Variants in SRGAP3 observed in about 807,000 individuals in gnomAD.
SRGAP3 encodes the protein SLIT-ROBO Rho GTPase-activating protein 3.
Under a neutral mutation model 121.1 loss-of-function variants are expected in SRGAP3, and 39 were observed. The ratio of observed to expected loss-of-function variants is 0.32; its 90% CI spans 0.25 to 0.42. The LOEUF (loss-of-function observed/expected upper bound fraction) is 0.42. Ranked by LOEUF, SRGAP3 falls within the 10% of genes least tolerant of loss-of-function variation. SRGAP3 has a pLI of 1.00. For synonymous variants in SRGAP3, 601 were observed against 570.0 expected (o/e 1.05, Z -0.77); for missense variants, 1,213 against 1,470.6 (o/e 0.82, Z 2.86).
intron 18 of SRGAP3, among the ~76,000 whole-genome samples, chr3:9,003,701 T>C (rs558420631): frequency 6.6e-6 from 1 of 152,246 alleles, no homozygotes; most frequent in Non-Finnish European, 1.5e-5. Flanking sequence ...AAATCTAATA[T>C]CCTTTCAAGA....
At chr3:9,189,284 T>G (rs552484921) in intron 1 of SRGAP3, among the ~76,000 whole-genome samples, 1 of 152,366 alleles carries the variant, frequency 6.6e-6, no homozygotes, top group South Asian at 2.1e-4. Context: ...TTGAATATTA[T>G]GCAGAGAGAA....
chr3:9,039,655 C>A (rs1162326), intron 10 of SRGAP3, among the ~76,000 whole-genome samples: 77,554 of 152,024 alleles, frequency 0.51, 19,831 homozygotes, highest in South Asian at 0.66. Flanking sequence ...TTCCTGCCTC[C>A]GGCCCCTGGC....
chr3:9,056,038 C>T (rs1179092554), intron 8 of SRGAP3, among the ~76,000 whole-genome samples, 195 bp downstream of exon 8: 2 of 152,068 alleles, frequency 1.3e-5, no homozygotes, highest in Non-Finnish European at 2.9e-5. Flanking sequence ...TTTTGTTTTT[C>T]TTCAATTTAA....
chr3:9,182,390 C>G (rs147691631), intron 1 of SRGAP3, among the ~76,000 whole-genome samples: 220 of 152,022 alleles, frequency 1.4e-3, no homozygotes, highest in African/African-American at 5.0e-3. Context: ...GGAAGATACA[C>G]AGTGGGGACA....
chr3:8,990,617 G>A lies in SRGAP3; in HGVS notation c.2781C>T (p.Asp927=), dbSNP rs1186159752. The A allele has an allele frequency of 1.2e-6, 2 of 1,613,024 alleles. No individual in the cohort carries two copies. The highest frequency in any genetic ancestry group is 1.7e-6 in the Non-Finnish European group (2 of 1,179,696). Residue 927 remains aspartate (D), a synonymous_variant, in exon 21 of 22, where the codon GAC becomes GAT. Coordinates refer to ENST00000383836, the MANE Select transcript of SRGAP3 (RefSeq NM_014850.4). ...FGSAGSINYP[D]KKALSEGHSM... ...AGTGCCCTTCGGAGAGCGCCTTCTT[G>A]TCAGGGTAGTTGATGCTGCCAGCGC...
intron 5 of SRGAP3, among the ~76,000 whole-genome samples, chr3:9,063,734 G>A (rs974941581): frequency 6.6e-6 from 1 of 152,152 alleles, no homozygotes; most frequent in Non-Finnish European, 1.5e-5. Context: ...GAGATGAGAC[G>A]AATTTGCCAC....
chr3:9,059,828 C>T, intron 6 of SRGAP3: 1 of 306,216 alleles, frequency 3.3e-6, no homozygotes, highest in Non-Finnish European at 6.4e-6. Context: ...GCTGAGTGGC[C>T]CTAGGGGCGC....
Position 9,142,558 on chromosome 3 carries a change from A to G in SRGAP3, c.68-17641T>C, listed in dbSNP as rs79372161. On this transcript the variant is annotated intron_variant, in intron 1 of 21. Transcript: ENST00000383836. ...ATTTCATGTCTTGGGTCCTGTTACC[A>G]AAGAGGAAAAACACCTCATGTTTAT... 8.5e-5 allele frequency among the ~76,000 whole-genome samples: 13 copies of G among 152,322 alleles called. No individual in the cohort carries two copies. The East Asian group carries it at 2.3e-3, about 27-fold the overall frequency.
intron 1 of SRGAP3, among the ~76,000 whole-genome samples, chr3:9,160,483 G>C (rs1950570245): frequency 6.6e-6 from 1 of 152,198 alleles, no homozygotes; most frequent in Admixed American, 6.5e-5. Context: ...CAGGCCTCCA[G>C]CCAACAGCCA....
chr3:9,103,100 C>A (rs1032466399), intron 3 of SRGAP3, among the ~76,000 whole-genome samples: 4 of 152,170 alleles, frequency 2.6e-5, no homozygotes, highest in African/African-American at 9.7e-5. Flanking sequence ...TAAACACAAC[C>A]CCAGAAGGAG....
intron 3 of SRGAP3, among the ~76,000 whole-genome samples, chr3:9,097,836 G>A (rs974200281): frequency 3.9e-5 from 6 of 152,108 alleles, no homozygotes; most frequent in African/African-American, 9.7e-5. Flanking sequence ...CAGCCTCCTC[G>A]CTGTAGCTCA....
At chr3:9,136,464 G>T (rs1346684549) in intron 1 of SRGAP3, among the ~76,000 whole-genome samples, 2 of 149,566 alleles carry the variant, frequency 1.3e-5, no homozygotes, top group African/African-American at 2.5e-5. Context: ...GCTGAAAGCG[G>T]GCTCCTAAGC....
At chr3:9,062,822 G>A (rs962599358) in intron 5 of SRGAP3, among the ~76,000 whole-genome samples, 11 of 152,194 alleles carry the variant, frequency 7.2e-5, no homozygotes, top group Non-Finnish European at 1.0e-4. Flanking sequence ...TAAGAATAAT[G>A]CTGCTATTCA....
At chr3:9,078,975 C>G (rs886235211) in intron 4 of SRGAP3, among the ~76,000 whole-genome samples, 1 of 152,194 alleles carries the variant, frequency 6.6e-6, no homozygotes, top group Non-Finnish European at 1.5e-5. Flanking sequence ...GGCAGGCTTT[C>G]TGACCTGAGG....
chr3:9,188,656 G>A (rs1490910170), intron 1 of SRGAP3, among the ~76,000 whole-genome samples: 6 of 152,214 alleles, frequency 3.9e-5, no homozygotes, highest in Non-Finnish European at 5.9e-5. Context: ...GGCCAGTTGT[G>A]CAAAGCATAT....
At chr3:9,005,725 T>A (rs1278340152) in intron 18 of SRGAP3, among the ~76,000 whole-genome samples, 3 of 152,092 alleles carry the variant, frequency 2.0e-5, no homozygotes, top group African/African-American at 7.2e-5. Flanking sequence ...AGACAGTGGG[T>A]AGACTTACAG....
At chr3:9,297,957 C>T (rs1218913460) in intron 3 of SRGAP3, among the ~76,000 whole-genome samples, 1 of 151,756 alleles carries the variant, frequency 6.6e-6, no homozygotes, top group Non-Finnish European at 1.5e-5. Context: ...TGAAGGAAGA[C>T]TATGTGAAGA....
At position 8,985,354 on chromosome 3, in the gene SRGAP3, G is replaced by A; in HGVS notation, c.*165C>T. The A allele has an allele frequency of 7.2e-7, 1 of 1,391,318 alleles. No individual in the cohort carries two copies. Among genetic ancestry groups the A allele is most frequent in the Admixed American group, 2.9e-5 (1 of 34,786 alleles). The allele number at this position is 1,391,318 out of a possible 1,614,324, so 86.2% of individuals were successfully genotyped here. On this transcript the variant is annotated 3_prime_UTR_variant, in exon 22 of 22. Coordinates refer to ENST00000383836, the MANE Select transcript of SRGAP3 (RefSeq NM_014850.4). This position sits in a 1 kb window ranked among gnomAD's most constrained non-coding sequence, Gnocchi z 5.1. ...CCGTGGGATTCCCATGGCTGGACGTGAGCTGCAGCCAGCGCCCGGGCCTCA... is the reference window on the plus strand; with the variant it reads ...CCGTGGGATTCCCATGGCTGGACGTAAGCTGCAGCCAGCGCCCGGGCCTCA...
intron 3 of SRGAP3, among the ~76,000 whole-genome samples, chr3:9,268,064 C>T (rs1199826392): frequency 1.3e-5 from 2 of 152,122 alleles, no homozygotes; most frequent in Non-Finnish European, 2.9e-5. Context: ...GGCCCTCATC[C>T]AACAACCCAG....
Sources: gnomAD v4.1 joint callset for allele counts (sites outside exome capture counted in the v4.1 genomes callset) on GRCh38, gnomAD v4.1.1 for gene constraint, Gnocchi (gnomAD v3.1) non-coding constraint, MANE v1.5 for transcripts, NCBI Gene and HGNC (gene_info 2026-07-23, HGNC 2026-07-21) for gene names.